PCDHGA2: variants seen among roughly 807,000 people sequenced by gnomAD.
PCDHGA2 encodes the protein protocadherin gamma subfamily A, 2.
In PCDHGA2, 40 loss-of-function variants were observed where a neutral mutation model predicts 59.2. The observed-to-expected ratio is 0.68, with a 90% CI of 0.52 to 0.88. The LOEUF is 0.88. PCDHGA2 is among the 40% of genes least tolerant of loss of function. PCDHGA2 has a pLI of 0.00. For synonymous variants in PCDHGA2, 560 were observed against 526.0 expected, an observed-to-expected ratio of 1.06 and a Z score of -0.89; for missense variants, 1,226 against 1,204.0, an observed-to-expected ratio of 1.02 and a Z score of -0.27.
chr5:141,414,540 C>G, intron 1 of PCDHGA2: 1 of 1,613,948 alleles, frequency 6.2e-7, no homozygotes. Flanking sequence ...ACCCACCTAC[C>G]TTCTCTCAAG....
chr5:141,431,464 G>A lies in PCDHGA2; in HGVS notation c.2425-63343G>A. The A allele has an allele frequency of 1.9e-6, 3 of 1,613,782 alleles. No individual in the cohort carries two copies. Among genetic ancestry groups the A allele is most frequent in the Non-Finnish European group, 1.7e-6 (2 of 1,179,972 alleles). ...GCATCCGCGTGATGGTTCTGGATGC[G>A]AACGACAACGCACCAGCGTTTGCTC... On this transcript the variant is annotated intron_variant, in intron 1 of 3. Coordinates refer to ENST00000394576, the MANE Select transcript of PCDHGA2 (RefSeq NM_018915.4). This position sits in a 1 kb window ranked among gnomAD's most constrained non-coding sequence, Gnocchi z 4.8.
At chr5:141,394,790 G>T (rs776824024) in intron 1 of PCDHGA2, 1 of 1,613,718 alleles carries the variant, frequency 6.2e-7, no homozygotes, top group Non-Finnish European at 8.5e-7. Context: ...CCACTGTCAC[G>T]CTCACCGTAG....
Position 141,477,545 on chromosome 5 carries a change from C to T in PCDHGA2, c.2425-17262C>T. The T allele has an allele frequency of 6.2e-7, 1 of 1,614,194 alleles. No individual in the cohort carries two copies. Among genetic ancestry groups the T allele is most frequent in the South Asian group, 1.1e-5 (1 of 91,086 alleles). On this transcript the variant is annotated intron_variant, in intron 1 of 3. Coordinates refer to ENST00000394576, the MANE Select transcript of PCDHGA2 (RefSeq NM_018915.4). The surrounding 1 kb of genome is among the most constrained non-coding windows in gnomAD (Gnocchi z 4.9). ...AAACAACCTCCCCGGGGCTCCAATA[C>T]TAAACCTAAGTGTCTGGGACCCCGA...
At chr5:141,500,488 C>T (rs569168291) in intron 2 of PCDHGA2, among the ~76,000 whole-genome samples, 4 of 152,178 alleles carry the variant, frequency 2.6e-5, no homozygotes, top group South Asian at 2.1e-4. Flanking sequence ...GGATTACAGG[C>T]GTGAGCCACC....
At chr5:141,374,551 G>C (rs1314667705) in intron 1 of PCDHGA2, 2 of 1,613,400 alleles carry the variant, frequency 1.2e-6, no homozygotes, top group African/African-American at 2.7e-5. Context: ...CACTAATGGA[G>C]GTCTATGACC....
At chr5:141,360,420 A>C (rs766750487) in intron 1 of PCDHGA2, 2 of 1,613,888 alleles carry the variant, frequency 1.2e-6, no homozygotes, top group African/African-American at 2.7e-5. Flanking sequence ...GAGAACAGAT[A>C]TGCGGGAAGC....
Position 141,345,686 on chromosome 5 carries a change from C to T in PCDHGA2, c.2424+4291C>T, listed in dbSNP as rs1470833777. The T allele has an allele frequency of 5.6e-6, 9 of 1,614,238 alleles. No individual in the cohort carries two copies. The Middle Eastern group carries it at 4.9e-4, about 89-fold the overall frequency. On this transcript the variant is annotated intron_variant, in intron 1 of 3. Coordinates refer to ENST00000394576, the MANE Select transcript of PCDHGA2 (RefSeq NM_018915.4). ...GCAGCAACGTGTCGCTGAACCTGTTCGTGCTGGACCAGAACGACAACGCGC... is the reference window on the plus strand; with the variant it reads ...GCAGCAACGTGTCGCTGAACCTGTTTGTGCTGGACCAGAACGACAACGCGC...
chr5:141,345,082 C>T (rs200905776), intron 1 of PCDHGA2: 88 of 1,613,836 alleles, frequency 5.5e-5, no homozygotes, highest in Non-Finnish European at 5.6e-5. Flanking sequence ...ATTACAATCA[C>T]GTCTCTCACA....
intron 1 of PCDHGA2, chr5:141,390,069 C>A: frequency 6.2e-7 from 1 of 1,614,076 alleles, no homozygotes; most frequent in Non-Finnish European, 8.5e-7. Context: ...CCAGCCTGGT[C>A]TCTGTGTTAA....
intron 1 of PCDHGA2, among the ~76,000 whole-genome samples, chr5:141,463,632 T>C (rs2099065676): frequency 6.6e-6 from 1 of 151,822 alleles, no homozygotes; most frequent in Admixed American, 6.6e-5. Flanking sequence ...GTATTTTGTT[T>C]AGTAGAGACG....
intron 1 of PCDHGA2, among the ~76,000 whole-genome samples, chr5:141,400,980 C>T (rs977355527): frequency 6.6e-6 from 1 of 152,102 alleles, no homozygotes; most frequent in African/African-American, 2.4e-5. Context: ...TCTTATGTTC[C>T]TCATATATGC....
At position 141,361,753 on chromosome 5, in the gene PCDHGA2, C is replaced by T. The variant is rs867300668; in HGVS notation, c.2424+20358C>T. Reference sequence around the variant, plus strand: ...ACTGCAGGCCCGCGACCAGGGCTCGCCCGCGCTCAGCGCCAACGTGAGCCT... The same window carrying T: ...ACTGCAGGCCCGCGACCAGGGCTCGTCCGCGCTCAGCGCCAACGTGAGCCT... On this transcript the variant is annotated intron_variant, in intron 1 of 3. Transcript: ENST00000394576. 3.7e-6 allele frequency: 6 copies of T among 1,613,058 alleles called. No individual in the cohort carries two copies. The East Asian group carries it at 1.3e-4, about 36-fold the overall frequency.
chr5:141,477,708 G>T lies in PCDHGA2; in HGVS notation c.2425-17099G>T. ...GTGCCCCTAGACTATGAGGATCGGC[G>T]GGAATTTGAATTAACAGCTCATATC... On this transcript the variant is annotated intron_variant, in intron 1 of 3. Transcript: ENST00000394576. The surrounding 1 kb of genome is among the most constrained non-coding windows in gnomAD (Gnocchi z 4.9). 2 of 1,613,930 alleles carry T rather than the reference G, an allele frequency of 1.2e-6. No individual in the cohort carries two copies. Among genetic ancestry groups the T allele is most frequent in the Non-Finnish European group, 1.7e-6 (2 of 1,180,030 alleles).
rs748591129 is a variant in PCDHGA2 at position 141,388,776 on chromosome 5, G to A, written c.2424+47381G>A. ...ATTTGACCTGAACTCTAACACCGGG[G>A]AAATTACTGTTTTAAATACATTAGA... On this transcript the variant is annotated intron_variant, in intron 1 of 3. Transcript: ENST00000394576. 8.7e-6 allele frequency: 14 copies of A among 1,613,806 alleles called. 1 individual carries two copies. In the South Asian group the frequency reaches 1.1e-4, roughly 13 times the overall value.
intron 1 of PCDHGA2, chr5:141,408,159 C>T (rs1408291996): frequency 3.9e-5 from 59 of 1,516,228 alleles, no homozygotes; most frequent in Non-Finnish European, 5.2e-5. Context: ...AGTGCACTTT[C>T]TCCAACTGGA....
At chr5:141,498,670 G>A (rs1266576450) in intron 2 of PCDHGA2, among the ~76,000 whole-genome samples, 1 of 152,066 alleles carries the variant, frequency 6.6e-6, no homozygotes, top group Non-Finnish European at 1.5e-5. Flanking sequence ...GGTGGCTCAC[G>A]CCTGTAATCC....
At position 141,476,359 on chromosome 5, in the gene PCDHGA2, G is replaced by A; in HGVS notation, c.2425-18448G>A. On this transcript the variant is annotated intron_variant, in intron 1 of 3. Coordinates refer to ENST00000394576, the MANE Select transcript of PCDHGA2 (RefSeq NM_018915.4). This position sits in a 1 kb window ranked among gnomAD's most constrained non-coding sequence, Gnocchi z 7.6. ...GCCGAAGATTCTTTGAGGTGAACCG[G>A]GAGACCGGAGAGATGTTTGTGAACG... The A allele has an allele frequency of 6.2e-7, 1 of 1,614,170 alleles. No individual in the cohort carries two copies. The highest frequency in any genetic ancestry group is 8.5e-7 in the Non-Finnish European group (1 of 1,180,020).
At chr5:141,431,000 A>G (rs1272572092) in intron 1 of PCDHGA2, 4 of 1,613,898 alleles carry the variant, frequency 2.5e-6, no homozygotes, top group African/African-American at 1.3e-5. Flanking sequence ...GAATCCGCGC[A>G]GCGGCAGCTT....
At chr5:141,435,447 A>C (rs2097764160) in intron 1 of PCDHGA2, among the ~76,000 whole-genome samples, 1 of 152,168 alleles carries the variant, frequency 6.6e-6, no homozygotes, top group Non-Finnish European at 1.5e-5. Context: ...CATTAATACG[A>C]TATCTGTATG....
Sources: gnomAD v4.1 joint callset for allele counts (sites outside exome capture counted in the v4.1 genomes callset) on GRCh38, gnomAD v4.1.1 for gene constraint, Gnocchi (gnomAD v3.1) non-coding constraint, MANE v1.5 for transcripts, NCBI Gene and HGNC (gene_info 2026-07-23, HGNC 2026-07-21) for gene names.